The following RYR3 variants were observed in gnomAD, a reference collection of about 807,000 sequenced individuals.
The protein encoded by RYR3 is ryanodine receptor 3.
RYR3 carries 207 observed loss-of-function variants against 584.3 expected under a neutral mutation model. The ratio of observed to expected loss-of-function variants is 0.35; its 90% CI spans 0.32 to 0.40. The LOEUF (loss-of-function observed/expected upper bound fraction) is 0.40, where lower values mean the gene tolerates loss of function less well. Ranked by LOEUF, RYR3 falls within the 10% of genes least tolerant of loss-of-function variation. RYR3 has a pLI of 1.00. For synonymous variants in RYR3, 2,416 were observed against 2,248.5 expected (o/e 1.07, Z -2.11); for missense variants, 5,616 against 6,089.2 (o/e 0.92, Z 2.59).
At chr15:33,584,801 A>T (rs1254511916) in intron 15 of RYR3, among the ~76,000 whole-genome samples, 1 of 138,644 alleles carries the variant, frequency 7.2e-6, no homozygotes, top group Non-Finnish European at 1.5e-5. Context: ...CCACCCAGTG[A>T]TCCTGGTCTC....
chr15:33,595,508 T>C (rs28844592), intron 16 of RYR3, among the ~76,000 whole-genome samples: 53,204 of 152,020 alleles, frequency 0.35, 10,112 homozygotes, highest in East Asian at 0.75. Context: ...ACTGCACTTA[T>C]TTTATCTTTC....
chr15:33,555,932 G>C (rs776095049), intron 10 of RYR3, among the ~76,000 whole-genome samples: 18 of 152,144 alleles, frequency 1.2e-4, no homozygotes, highest in Non-Finnish European at 2.5e-4. Context: ...TGGTTTTTAA[G>C]GGCAATACGA....
chr15:33,797,184 A>G (rs887102845), intron 67 of RYR3, among the ~76,000 whole-genome samples: 11 of 152,130 alleles, frequency 7.2e-5, no homozygotes, highest in Admixed American at 5.9e-4. Flanking sequence ...TCTCCTCCAT[A>G]TGGCAGAATC....
At chr15:33,768,173 CCTGAACCATTAACA>C (rs1463162100) in intron 60 of RYR3, among the ~76,000 whole-genome samples, 1 of 152,336 alleles carries the variant, frequency 6.6e-6, no homozygotes, top group East Asian at 1.9e-4. Context: ...TCACCTTGTA[CCTGAACCATTAACA>C]CTTTTCCAAT....
intron 1 of RYR3, among the ~76,000 whole-genome samples, chr15:33,417,720 G>A (rs1394477982): frequency 1.3e-5 from 2 of 152,128 alleles, no homozygotes; most frequent in Non-Finnish European, 2.9e-5. Context: ...CCAGTACTAT[G>A]TTGAATAAGA....
chr15:33,534,123 G>A (rs536036613), intron 5 of RYR3, among the ~76,000 whole-genome samples: 6 of 152,324 alleles, frequency 3.9e-5, no homozygotes, highest in East Asian at 1.9e-4. Context: ...AAAATGGGCC[G>A]GGCACGGTGG....
At chr15:33,599,181 A>AG (rs34086426) in intron 16 of RYR3, among the ~76,000 whole-genome samples, 64,064 of 152,012 alleles carry the variant, frequency 0.42, 14,087 homozygotes, top group East Asian at 0.79. Flanking sequence ...TTAAGCCATA[A>AG]GTTAGCTCAT....
At chr15:33,638,406 T>C (rs545992382) in intron 27 of RYR3, among the ~76,000 whole-genome samples, 79 of 152,130 alleles carry the variant, frequency 5.2e-4, no homozygotes, top group East Asian at 1.2e-3. Context: ...GTAGAAAGAG[T>C]CCAAAAATCA....
chr15:33,602,064 C>T (rs1020896062), intron 17 of RYR3, among the ~76,000 whole-genome samples: 8 of 152,182 alleles, frequency 5.3e-5, no homozygotes, highest in Admixed American at 4.6e-4. Flanking sequence ...TGTGGCTGCA[C>T]GTGAGTCATG....
intron 1 of RYR3, among the ~76,000 whole-genome samples, chr15:33,425,848 T>C (rs562961721): frequency 2.2e-4 from 34 of 152,180 alleles, no homozygotes; most frequent in Non-Finnish European, 4.4e-4. Context: ...TTCACCGTGT[T>C]AGCCAGGATG....
chr15:33,562,297 A>AT (rs1379630933), intron 10 of RYR3, among the ~76,000 whole-genome samples: 1 of 152,206 alleles, frequency 6.6e-6, no homozygotes, highest in Non-Finnish European at 1.5e-5. Context: ...TGATACACAA[A>AT]TTACTACATT....
At chr15:33,395,377 A>T (rs556207640) in intron 1 of RYR3, among the ~76,000 whole-genome samples, 1 of 152,344 alleles carries the variant, frequency 6.6e-6, no homozygotes, top group Admixed American at 6.5e-5. Context: ...TATGTTTGTG[A>T]TAGTTTCTTA....
At chr15:33,855,441 T>G (rs1327373747) in intron 98 of RYR3, among the ~76,000 whole-genome samples, 1 of 152,226 alleles carries the variant, frequency 6.6e-6, no homozygotes, top group African/African-American at 2.4e-5. Flanking sequence ...TGATCTCAGG[T>G]GATCCACCCG....
At chr15:33,752,137 G>A (rs1382442397) in intron 57 of RYR3, among the ~76,000 whole-genome samples, 1 of 152,152 alleles carries the variant, frequency 6.6e-6, no homozygotes, top group African/African-American at 2.4e-5. Flanking sequence ...CTGTAGCCTT[G>A]TAGTATAGTT....
At chr15:33,724,638 G>T (rs1182728774) in intron 45 of RYR3, among the ~76,000 whole-genome samples, 1 of 152,152 alleles carries the variant, frequency 6.6e-6, no homozygotes, top group Non-Finnish European at 1.5e-5. Flanking sequence ...CAAAAGGATG[G>T]TTCTATTTTA....
Position 33,676,041 on chromosome 15 carries a change from CA to C in RYR3, c.5860+5493del, listed in dbSNP as rs534645479. ...CTGTGGATATGTTAGGTTAAATGGT[CA>C]AAAAAAATGCAGATGGAATTAAGAG... is the stretch of plus-strand genomic sequence containing the variant. On this transcript the variant is annotated intron_variant, in intron 38 of 103. Transcript: ENST00000634891. 5.3e-5 allele frequency among the ~76,000 whole-genome samples: 8 copies of C among 151,132 alleles called. No individual in the cohort carries two copies. The South Asian group carries it at 6.3e-4, about 12-fold the overall frequency.
At chr15:33,706,581 G>A (rs1204137347) in intron 42 of RYR3, among the ~76,000 whole-genome samples, 2 of 152,122 alleles carry the variant, frequency 1.3e-5, no homozygotes, top group Non-Finnish European at 2.9e-5. Flanking sequence ...CCTGTTTAAG[G>A]CTGAATATCC....
At position 33,756,382 on chromosome 15, in the gene RYR3, C is replaced by T; in HGVS notation, c.8583+9C>T. 1 of 1,556,110 alleles carries T rather than the reference C, an allele frequency of 6.4e-7. No homozygotes were observed. Among genetic ancestry groups the T allele is most frequent in the Non-Finnish European group, 8.7e-7 (1 of 1,145,116 alleles). On this transcript the variant is annotated intron_variant, in intron 59 of 103. Transcript: ENST00000634891. ...TCAAATTCTTTGCCAAAGTAAGTGG[C>T]CCTGCACTTAATCAAATTACTTTCT...
At chr15:33,723,383 G>A (rs1256418817) in intron 44 of RYR3, among the ~76,000 whole-genome samples, 2 of 151,998 alleles carry the variant, frequency 1.3e-5, no homozygotes. Flanking sequence ...TAAACCAGCT[G>A]CAAAATGTGA....
Sources: allele counts gnomAD v4.1 joint callset (sites outside exome capture counted in the v4.1 genomes callset), GRCh38; gene constraint gnomAD v4.1.1; transcripts MANE v1.5; gene names NCBI Gene and HGNC (gene_info 2026-07-23, HGNC 2026-07-21).